TSPAN14: variants seen among roughly 807,000 people sequenced by gnomAD.
The protein encoded by TSPAN14 is tetraspanin-14.
A neutral mutation model predicts 36.6 loss-of-function variants in TSPAN14; 16 were observed. The observed-to-expected ratio is 0.44, with a 90% CI of 0.30 to 0.66. The LOEUF (loss-of-function observed/expected upper bound fraction) is 0.66. Ranked by LOEUF, TSPAN14 falls within the 30% of genes least tolerant of loss-of-function variation. The probability of loss-of-function intolerance (pLI) is 0.12; values close to 1 mark genes in which losing one functional copy is unlikely to be tolerated. For missense variants in TSPAN14, 231 were observed against 355.1 expected, an observed-to-expected ratio of 0.65 and a Z score of 2.81; for synonymous variants, 139 against 143.8, an observed-to-expected ratio of 0.97 and a Z score of 0.24.
At chr10:80,485,960 C>T (rs1228196736) in intron 1 of TSPAN14, among the ~76,000 whole-genome samples, 1 of 152,166 alleles carries the variant, frequency 6.6e-6, no homozygotes. Flanking sequence ...GTGGCACGTG[C>T]ATCAGGATAC....
chr10:80,479,369 T>C (rs1207658810), intron 1 of TSPAN14, among the ~76,000 whole-genome samples: 1 of 151,930 alleles, frequency 6.6e-6, no homozygotes, highest in Non-Finnish European at 1.5e-5. Flanking sequence ...TCCTTGCCCA[T>C]GCCTATGTCC....
rs981376548 is a variant in TSPAN14 at position 80,512,044 on chromosome 10, C to G, written c.451-100C>G. On this transcript the variant is annotated intron_variant, in intron 5 of 8. Transcript: ENST00000429989. ...CCTTGATTTCTCTGCATGGTAGATG[C>G]CGGCAGACTTAGCCTGGCATCACTA... 6 of 1,557,528 alleles carry G rather than the reference C, an allele frequency of 3.9e-6. No homozygotes were observed. In the African/African-American group the frequency reaches 8.2e-5, roughly 21 times the overall value.
intron 2 of TSPAN14, among the ~76,000 whole-genome samples, chr10:80,494,680 A>G (rs1848096461): frequency 6.6e-6 from 1 of 152,172 alleles, no homozygotes; most frequent in Non-Finnish European, 1.5e-5. Flanking sequence ...CTCCTTTGAT[A>G]TCAGACCCCA....
intron 1 of TSPAN14, among the ~76,000 whole-genome samples, chr10:80,483,773 G>C (rs1359570113): frequency 6.6e-6 from 1 of 151,800 alleles, no homozygotes; most frequent in Non-Finnish European, 1.5e-5. Context: ...AGTTGGACAT[G>C]GTGTCGGTCG....
At chr10:80,517,424 A>G (rs1444349086) in intron 8 of TSPAN14, among the ~76,000 whole-genome samples, 4 of 152,230 alleles carry the variant, frequency 2.6e-5, no homozygotes, top group Non-Finnish European at 5.9e-5. Context: ...TTCCCTGCTC[A>G]CCAAGGTTGG....
exon 9 of TSPAN14, chr10:80,518,100 C>G (rs561787384): frequency 9.9e-7 from 1 of 1,012,746 alleles, no homozygotes; most frequent in Admixed American, 2.2e-5. Flanking sequence ...TCTTAAGCAT[C>G]AGCGTGACGT....
chr10:80,464,838 T>G (rs1846155621), intron 1 of TSPAN14, among the ~76,000 whole-genome samples: 1 of 151,550 alleles, frequency 6.6e-6, no homozygotes, highest in Non-Finnish European at 1.5e-5. Context: ...GGTTTCCTGC[T>G]GCTTCCCATT....
rs188754067 is a variant in TSPAN14, at chr10:80,469,221, C to T, written c.-18+14850C>T. 2.7e-3 allele frequency among the ~76,000 whole-genome samples: 405 copies of T among 152,230 alleles called. 4 individuals carry two copies. Among genetic ancestry groups the T allele is most frequent in the African/African-American group, 9.4e-3 (390 of 41,540 alleles). On this transcript the variant is annotated intron_variant, in intron 1 of 8. Transcript: ENST00000429989. ...AAGGGCAGCCCTAAGCCTCCCTGGCCATCTGGTGCCACTTGCCCTGCCCTG... is the reference window on the plus strand; with the variant it reads ...AAGGGCAGCCCTAAGCCTCCCTGGCTATCTGGTGCCACTTGCCCTGCCCTG...
At chr10:80,473,697 TTTTTA>T (rs1417011228) in intron 1 of TSPAN14, among the ~76,000 whole-genome samples, 1 of 142,910 alleles carries the variant, frequency 7.0e-6, no homozygotes, top group Non-Finnish European at 1.6e-5. Context: ...TTTTTTTTTT[TTTTTA>T]AATTAAAGTT....
chr10:80,510,418 C>T (rs1318040013), intron 5 of TSPAN14, among the ~76,000 whole-genome samples: 1 of 152,172 alleles, frequency 6.6e-6, no homozygotes, highest in African/African-American at 2.4e-5. Context: ...ACCAAATCCC[C>T]GCCATGTTTT....
rs1377416471 is a variant in TSPAN14, at chr10:80,500,390, C to T, written c.82-4338C>T. ...TGCTGCCCAGGCTGGAGTGCAATGG[C>T]GTGATCTTGGCTCACCGCAACCTCC... is the stretch of plus-strand genomic sequence containing the variant. On this transcript the variant is annotated intron_variant, in intron 2 of 8. Transcript: ENST00000429989. 3.4e-5 allele frequency among the ~76,000 whole-genome samples: 4 copies of T among 118,444 alleles called. No individual in the cohort carries two copies. In the Admixed American group the frequency reaches 3.7e-4, roughly 11 times the overall value. 77.7% of individuals were successfully genotyped at this position (118,444 alleles called of 152,430 possible). A position where few individuals can be genotyped will look rare whatever the true frequency, so the allele number is the denominator to read the frequency against.
chr10:80,473,775 T>C (rs1282630168), intron 1 of TSPAN14, among the ~76,000 whole-genome samples: 1 of 151,578 alleles, frequency 6.6e-6, no homozygotes, highest in Admixed American at 6.6e-5. Flanking sequence ...TTTTGCAGTG[T>C]TTCTGGTGGC....
chr10:80,457,266 AC>A (rs1268377606), intron 1 of TSPAN14, among the ~76,000 whole-genome samples: 1 of 149,998 alleles, frequency 6.7e-6, no homozygotes, highest in Non-Finnish European at 1.5e-5. Flanking sequence ...GCTCACTGCA[AC>A]CTCCGCCTCC....
At chr10:80,485,028 C>T (rs907063080) in intron 1 of TSPAN14, among the ~76,000 whole-genome samples, 3 of 152,212 alleles carry the variant, frequency 2.0e-5, no homozygotes, top group Non-Finnish European at 4.4e-5. Context: ...CTTCCTGCCA[C>T]ACTGATGCTT....
At chr10:80,510,179 C>G (rs1467952627) in intron 5 of TSPAN14, among the ~76,000 whole-genome samples, 2 of 152,274 alleles carry the variant, frequency 1.3e-5, no homozygotes, top group Admixed American at 6.5e-5. Context: ...CTTGTTTGAT[C>G]TGTGTGCTGA....
At chr10:80,493,142 A>G (rs1293262552) in intron 2 of TSPAN14, among the ~76,000 whole-genome samples, 1 of 152,162 alleles carries the variant, frequency 6.6e-6, no homozygotes, top group Non-Finnish European at 1.5e-5. Context: ...GTTGTGCTAG[A>G]CCTGTTTTTA....
intron 2 of TSPAN14, among the ~76,000 whole-genome samples, chr10:80,493,759 G>A (rs1848045184): frequency 6.6e-6 from 1 of 152,200 alleles, no homozygotes; most frequent in African/African-American, 2.4e-5. Context: ...GGAAGATTGG[G>A]GAGTTGTTGG....
intron 1 of TSPAN14, among the ~76,000 whole-genome samples, chr10:80,480,279 C>G (rs1847183223): frequency 6.6e-6 from 1 of 151,814 alleles, no homozygotes; most frequent in Non-Finnish European, 1.5e-5. Flanking sequence ...ATTGAATACC[C>G]TTTATTTCCT....
intron 1 of TSPAN14, among the ~76,000 whole-genome samples, chr10:80,457,179 T>A (rs1471953615): frequency 6.6e-6 from 1 of 152,074 alleles, no homozygotes; most frequent in African/African-American, 2.4e-5. Flanking sequence ...CAATATGAGC[T>A]GGGTTTTCTC....
Sources: allele counts gnomAD v4.1 joint callset (sites outside exome capture counted in the v4.1 genomes callset), GRCh38; gene constraint gnomAD v4.1.1; transcripts MANE v1.5; gene names NCBI Gene and HGNC (gene_info 2026-07-23, HGNC 2026-07-21).